The following ATP6V0A1 variants were observed in gnomAD, a reference collection of about 807,000 sequenced individuals.
ATP6V0A1 encodes ATPase H+ transporting V0 subunit a1.
ATP6V0A1 carries 43 observed loss-of-function variants against 105.4 expected under a neutral mutation model. That is an observed-to-expected ratio of 0.41 (90% CI 0.32 to 0.53). The LOEUF is 0.53. Among genes scored for constraint, ATP6V0A1 ranks in the 20% least tolerant of loss-of-function variants. ATP6V0A1 has a pLI of 0.30. For missense variants in ATP6V0A1, 676 were observed against 1,051.1 expected (o/e 0.64, Z 4.93); for synonymous variants, 362 against 372.8 (o/e 0.97, Z 0.33).
intron 9 of ATP6V0A1, 33 bp downstream of exon 9, chr17:42,483,164 T>C: frequency 7.0e-7 from 1 of 1,422,272 alleles, no homozygotes; most frequent in Non-Finnish European, 9.4e-7. Flanking sequence ...TTTGTTTTTG[T>C]GAAATACTGG....
rs1367237338 is a variant in ATP6V0A1 at position 42,497,257 on chromosome 17, G to A, written c.1560+1541G>A. On this transcript the variant is annotated intron_variant, in intron 14 of 21. Coordinates refer to ENST00000343619, the MANE Select transcript of ATP6V0A1 (RefSeq NM_001130021.3). The stretch of plus-strand genomic sequence containing the variant: ...AGAGGTTGCAGTGAGCCAAGATCAC[G>A]TAACTGCACTCCGGCCTGGGTGACA... Among the ~76,000 whole-genome samples the A allele has an allele frequency of 7.7e-5, 11 of 142,396 alleles. No individual in the cohort carries two copies. The East Asian group carries it at 1.9e-3, about 24-fold the overall frequency. 93.4% of individuals were successfully genotyped at this position (142,396 alleles called of 152,430 possible). A position where few individuals can be genotyped will look rare whatever the true frequency, so the allele number is the denominator to read the frequency against.
Position 42,500,694 on chromosome 17 carries a change from C to G in ATP6V0A1, c.1680-13C>G. Reference sequence around the variant, plus strand: ...CCATTTACCCTTAACATTTTTTTCTCTCTCCTTTTTAGCTATTTCAAGAAG... The same window carrying G: ...CCATTTACCCTTAACATTTTTTTCTGTCTCCTTTTTAGCTATTTCAAGAAG... On this transcript the variant is annotated splice_polypyrimidine_tract_variant and intron_variant, in intron 15 of 21. Coordinates refer to ENST00000343619, the MANE Select transcript of ATP6V0A1 (RefSeq NM_001130021.3). 1 of 1,599,650 alleles carries G rather than the reference C, an allele frequency of 6.3e-7. No individual in the cohort carries two copies. The highest frequency in any genetic ancestry group is 8.6e-7 in the Non-Finnish European group (1 of 1,167,858).
chr17:42,489,879 T>C (rs550316302), intron 10 of ATP6V0A1, among the ~76,000 whole-genome samples: 1 of 152,214 alleles, frequency 6.6e-6, no homozygotes, highest in South Asian at 2.1e-4. Flanking sequence ...GGTCTTGCAA[T>C]GCTATGAGAT....
intron 17 of ATP6V0A1, chr17:42,502,710 A>G (rs867954701): frequency 6.6e-6 from 1 of 152,424 alleles, no homozygotes; most frequent in Admixed American, 6.6e-5. Flanking sequence ...TCATCCTTCC[A>G]TGTACCCTCC....
chr17:42,520,347 C>T (rs2092789078), intron 21 of ATP6V0A1: 1 of 436,118 alleles, frequency 2.3e-6, no homozygotes, highest in South Asian at 1.6e-5. Flanking sequence ...CTTCCTCCCA[C>T]CCTCCCTGAG....
intron 21 of ATP6V0A1, among the ~76,000 whole-genome samples, chr17:42,515,658 C>T (rs1290233380): frequency 1.3e-5 from 2 of 152,010 alleles, no homozygotes; most frequent in South Asian, 2.1e-4. Flanking sequence ...CATGGTGGTG[C>T]ATGCCTGGAA....
chr17:42,491,450 A>G (rs2090616400), intron 11 of ATP6V0A1, among the ~76,000 whole-genome samples: 1 of 152,044 alleles, frequency 6.6e-6, no homozygotes, highest in African/African-American at 2.4e-5. Flanking sequence ...AGCTGGGACT[A>G]CAGGCACCCG....
At position 42,487,191 on chromosome 17, in the gene ATP6V0A1, C is replaced by T. The variant is rs769780292; in HGVS notation, c.847C>T (p.Leu283=). 3.1e-6 allele frequency: 5 copies of T among 1,614,186 alleles called. No individual in the cohort carries two copies. The Admixed American group carries it at 8.3e-5, about 27-fold the overall frequency. The change falls in exon 10 of 22, where the codon CTG becomes TTG. Residue 283 remains leucine (L), a synonymous_variant. Transcript: ENST00000343619. ...AACGGAGGATCACCGCCAGAGGGTT[C>T]TGCAGGCAGCTGCTAAGAACATCCG... is the stretch of plus-strand genomic sequence containing the variant. ...NQTEDHRQRV[L]QAAAKNIRVW...
intron 11 of ATP6V0A1, among the ~76,000 whole-genome samples, chr17:42,491,936 C>G (rs2090679208): frequency 6.6e-6 from 1 of 152,238 alleles, no homozygotes; most frequent in Non-Finnish European, 1.5e-5. Context: ...CCAATCCTAG[C>G]ACTTTTAGAG....
intron 15 of ATP6V0A1, among the ~76,000 whole-genome samples, chr17:42,499,787 CAA>C (rs773248675): frequency 3.2e-5 from 4 of 123,202 alleles, no homozygotes; most frequent in African/African-American, 3.0e-5. Context: ...GACTCCATCT[CAA>C]AAAAAAAAAA....
chr17:42,494,819 A>C, intron 12 of ATP6V0A1: 1 of 519,256 alleles, frequency 1.9e-6, no homozygotes. Flanking sequence ...CCAAAACCGC[A>C]GTAACTTTTG....
rs1234918793 is a variant in ATP6V0A1, at chr17:42,475,827, T to C, written c.424-1833T>C. Among the ~76,000 whole-genome samples, 5 of 152,238 alleles carry C rather than the reference T, an allele frequency of 3.3e-5. No homozygotes were observed. The East Asian group carries it at 9.6e-4, about 29-fold the overall frequency. ...CAATTCAAATATTATCGCAAGTTTC[T>C]GTTGAATTTTAATTTTGTTGTTTTT... On this transcript the variant is annotated intron_variant, in intron 5 of 21. Transcript: ENST00000343619.
chr17:42,516,014 G>T (rs531938989), intron 21 of ATP6V0A1, among the ~76,000 whole-genome samples: 1 of 152,050 alleles, frequency 6.6e-6, no homozygotes, highest in South Asian at 2.1e-4. Flanking sequence ...GGAAGTTCTG[G>T]CCCCTCTCCC....
At position 42,495,182 on chromosome 17, in the gene ATP6V0A1, A is replaced by G; in HGVS notation, c.1463A>G (p.Asn488Ser). ...AGTGTACGGCCGATGTTTACTTATA[A>G]TTGGACGTAAGTTGCAGAAGAAGCT... ...SWSVRPMFTY[N>S]WTEETLRGNP... Residue 488 changes from asparagine (N) to serine (S), a missense_variant, in exon 13 of 22, where the codon AAT becomes AGT. Around this residue, in one of 3 missense-constraint regions of ATP6V0A1, gnomAD observed 435 missense variants for 642.2 expected, o/e 0.68. Transcript: ENST00000343619. The G allele has an allele frequency of 6.2e-7, 1 of 1,613,740 alleles. No homozygotes were observed. The highest frequency in any genetic ancestry group is 8.5e-7 in the Non-Finnish European group (1 of 1,179,798).
chr17:42,463,860 C>T (rs2086725431), intron 2 of ATP6V0A1, among the ~76,000 whole-genome samples: 1 of 152,250 alleles, frequency 6.6e-6, no homozygotes. Flanking sequence ...GTATTGTACA[C>T]TGTATTCTTA....
intron 11 of ATP6V0A1, among the ~76,000 whole-genome samples, chr17:42,491,452 A>C (rs2090616673): frequency 6.6e-6 from 1 of 152,042 alleles, no homozygotes; most frequent in South Asian, 2.1e-4. Flanking sequence ...CTGGGACTAC[A>C]GGCACCCGCC....
At chr17:42,472,687 G>C (rs899553571) in intron 5 of ATP6V0A1, among the ~76,000 whole-genome samples, 2 of 152,018 alleles carry the variant, frequency 1.3e-5, no homozygotes, top group African/African-American at 2.4e-5. Flanking sequence ...TCGCACCACT[G>C]CACTCTAGCC....
At chr17:42,509,136 G>A (rs1349438961) in intron 19 of ATP6V0A1, among the ~76,000 whole-genome samples, 4 of 152,028 alleles carry the variant, frequency 2.6e-5, no homozygotes, top group South Asian at 4.2e-4. Context: ...CCAGGTGAGA[G>A]GGAGACAGCT....
At chr17:42,465,980 A>C (rs2087006346) in intron 2 of ATP6V0A1, among the ~76,000 whole-genome samples, 1 of 152,102 alleles carries the variant, frequency 6.6e-6, no homozygotes, top group Non-Finnish European at 1.5e-5. Flanking sequence ...GAAAAAAAGC[A>C]ATTACTTGTG....
Sources: allele counts gnomAD v4.1 joint callset (sites outside exome capture counted in the v4.1 genomes callset), GRCh38; gene constraint gnomAD v4.1.1; regional missense constraint gnomAD v4.1.1; transcripts MANE v1.5; gene names NCBI Gene and HGNC (gene_info 2026-07-23, HGNC 2026-07-21).